Variants in HMGCLL1 observed in about 807,000 individuals in gnomAD.
HMGCLL1 encodes the protein 3-hydroxy-3-methylglutaryl-CoA lyase like 1.
In HMGCLL1, 36 loss-of-function variants were observed where a neutral mutation model predicts 39.1. That is an observed-to-expected ratio of 0.92 (90% CI 0.71 to 1.22). The LOEUF (loss-of-function observed/expected upper bound fraction) is 1.22, where lower values mean the gene tolerates loss of function less well. Among genes scored for constraint, HMGCLL1 ranks in the 50% most tolerant of loss-of-function variants. The probability of loss-of-function intolerance (pLI) is 0.00; values close to 1 mark genes in which losing one functional copy is unlikely to be tolerated. For missense variants in HMGCLL1, 451 were observed against 416.5 expected, an observed-to-expected ratio of 1.08 and a Z score of -0.72; for synonymous variants, 149 against 144.0, an observed-to-expected ratio of 1.03 and a Z score of -0.25.
chr6:55,672,347 T>A, the HMGCLL1 span, among the ~76,000 whole-genome samples: 2 of 151,880 alleles, frequency 1.3e-5, no homozygotes, highest in Non-Finnish European at 2.9e-5. Context: ...TTAAGTTTTA[T>A]AAAATGAAAA....
intron 1 of HMGCLL1, among the ~76,000 whole-genome samples, chr6:55,561,239 A>G (rs1770930655): frequency 6.6e-6 from 1 of 152,196 alleles, no homozygotes; most frequent in African/African-American, 2.4e-5. Context: ...TCTAAACTAC[A>G]TTATCTTACA....
At position 55,477,409 on chromosome 6, in the gene HMGCLL1, A is replaced by T. The variant is rs1289860785; in HGVS notation, c.795+18010T>A. ...TCTAAATATAATATATATTATCTAA[A>T]TATATATTATCTTAATATATATTAT... On this transcript the variant is annotated intron_variant, in intron 7 of 8. Transcript: ENST00000274901. Among the ~76,000 whole-genome samples, 5 of 23,678 alleles carry T rather than the reference A, an allele frequency of 2.1e-4. 1 individual carries two copies. Among genetic ancestry groups the T allele is most frequent in the East Asian group, 1.7e-3 (1 of 592 alleles). 15.5% of individuals were successfully genotyped at this position (23,678 alleles called of 152,430 possible).
chr6:55,590,132 A>C, the HMGCLL1 span, among the ~76,000 whole-genome samples: 2 of 152,198 alleles, frequency 1.3e-5, no homozygotes, highest in African/African-American at 4.8e-5. Flanking sequence ...TGGAGGCATC[A>C]TGCTCCCTGA....
At position 55,506,841 on chromosome 6, in the gene HMGCLL1, GA is replaced by G. The variant is rs56735794; in HGVS notation, c.542+7206del. On this transcript the variant is annotated intron_variant, in intron 5 of 8. Transcript: ENST00000274901. ...ATGGGGAAAGTTTTCAACTTAAAAAGAAAAAAAAAATATTGTATGATGAAGT... is the reference window on the plus strand; with the variant it reads ...ATGGGGAAAGTTTTCAACTTAAAAAGAAAAAAAAATATTGTATGATGAAGT... Among the ~76,000 whole-genome samples the G allele has an allele frequency of 3.5e-3, 534 of 150,630 alleles. 2 individuals carry two copies. The highest frequency in any genetic ancestry group is 0.012 in the African/African-American group (493 of 41,156).
At chr6:55,641,882 A>ATT in the HMGCLL1 span, among the ~76,000 whole-genome samples, 1 of 1,604 alleles carries the variant, frequency 6.2e-4, no homozygotes, top group African/African-American at 1.5e-3. Flanking sequence ...TTTTATTTTT[A>ATT]TTTATTTATT....
chr6:55,516,589 A>G lies in HMGCLL1; in HGVS notation c.312T>C (p.Thr104=), dbSNP rs1336316634. 5.0e-6 allele frequency: 8 copies of G among 1,593,970 alleles called. No homozygotes were observed. In the South Asian group the frequency reaches 5.7e-5, roughly 11 times the overall value. The change falls in exon 4 of 9, where the codon ACT becomes ACC. Residue 104 remains threonine, a synonymous_variant. Coordinates refer to ENST00000274901, the MANE Select transcript of HMGCLL1 (RefSeq NM_001042406.2). ...SRWVPQMADH[T]EVMKGIHQYP... ...ATTGATGAATGCCTTTCATTACTTC[A>G]GTGTGATCAGCCATCTTAAATACAT...
At chr6:55,530,150 A>G (rs963131838) in intron 3 of HMGCLL1, among the ~76,000 whole-genome samples, 1 of 152,256 alleles carries the variant, frequency 6.6e-6, no homozygotes, top group Non-Finnish European at 1.5e-5. Context: ...GCAGAATTCA[A>G]TACAAGATGC....
chr6:55,467,632 T>C (rs1253823034), intron 7 of HMGCLL1, among the ~76,000 whole-genome samples: 1 of 152,072 alleles, frequency 6.6e-6, no homozygotes, highest in Non-Finnish European at 1.5e-5. Context: ...AGTAATCATC[T>C]ACAATTCCAA....
At chr6:55,493,795 C>T (rs962609635) in intron 7 of HMGCLL1, among the ~76,000 whole-genome samples, 4 of 151,764 alleles carry the variant, frequency 2.6e-5, no homozygotes, top group Admixed American at 1.3e-4. Context: ...TGCAGTGGTA[C>T]GATCTCGGCT....
intron 1 of HMGCLL1, among the ~76,000 whole-genome samples, chr6:55,565,669 G>A (rs774571848): frequency 6.6e-5 from 10 of 152,016 alleles, no homozygotes; most frequent in Non-Finnish European, 1.5e-4. Flanking sequence ...CTCTAGAGAT[G>A]AGTATTTATG....
At chr6:55,447,363 T>C (rs1224819477) in intron 7 of HMGCLL1, among the ~76,000 whole-genome samples, 1 of 152,034 alleles carries the variant, frequency 6.6e-6, no homozygotes, top group Non-Finnish European at 1.5e-5. Flanking sequence ...AATTGGTAAG[T>C]AAATAATAGG....
chr6:55,596,528 G>A, the HMGCLL1 span, among the ~76,000 whole-genome samples: 2 of 150,204 alleles, frequency 1.3e-5, no homozygotes, highest in Non-Finnish European at 2.9e-5. Context: ...ATTTAATTAT[G>A]AGGTTTCATA....
intron 3 of HMGCLL1, among the ~76,000 whole-genome samples, chr6:55,523,330 G>A (rs1291289775): frequency 6.6e-6 from 1 of 151,926 alleles, no homozygotes; most frequent in African/African-American, 2.4e-5. Flanking sequence ...CATGATATTC[G>A]GGAAGGACAG....
At chr6:55,562,314 G>T (rs1188601688) in intron 1 of HMGCLL1, among the ~76,000 whole-genome samples, 3 of 152,070 alleles carry the variant, frequency 2.0e-5, no homozygotes, top group Admixed American at 2.0e-4. Flanking sequence ...TTAGTTGATT[G>T]ACTAAATTTA....
At chr6:55,632,709 A>G in the HMGCLL1 span, among the ~76,000 whole-genome samples, 1 of 152,102 alleles carries the variant, frequency 6.6e-6, no homozygotes, top group Admixed American at 6.6e-5. Flanking sequence ...CACCTGTTAT[A>G]TCATAATGGA....
chr6:55,491,157 G>A (rs116250246), intron 7 of HMGCLL1, among the ~76,000 whole-genome samples: 1 of 152,132 alleles, frequency 6.6e-6, no homozygotes, highest in Non-Finnish European at 1.5e-5. Context: ...GAAACAAAGA[G>A]GTTTATCTGG....
chr6:55,669,527 A>G, the HMGCLL1 span, among the ~76,000 whole-genome samples: 1 of 151,906 alleles, frequency 6.6e-6, no homozygotes, highest in Non-Finnish European at 1.5e-5. Flanking sequence ...AAATACAATC[A>G]ATAGACACCA....
intron 1 of HMGCLL1, among the ~76,000 whole-genome samples, chr6:55,546,179 C>T (rs150495725): frequency 0.013 from 2,010 of 152,194 alleles, 31 homozygotes; most frequent in Non-Finnish European, 0.023. Context: ...CTATTATTAA[C>T]TCCATTAATA....
upstream of HMGCLL1, among the ~76,000 whole-genome samples, chr6:55,582,431 T>C (rs967165126): frequency 3.3e-5 from 5 of 152,144 alleles, no homozygotes; most frequent in South Asian, 1.0e-3. Flanking sequence ...CTGATAAACA[T>C]TTCTGAACTT....
Sources: allele counts gnomAD v4.1 joint callset (sites outside exome capture counted in the v4.1 genomes callset), GRCh38; gene constraint gnomAD v4.1.1; transcripts MANE v1.5; gene names NCBI Gene and HGNC (gene_info 2026-07-23, HGNC 2026-07-21).